Variants in MYL4 observed in about 807,000 individuals in gnomAD.
The protein encoded by MYL4 is atrial myosin light chain 1.
MYL4 carries 16 observed loss-of-function variants against 21.6 expected under a neutral mutation model. The ratio of observed to expected loss-of-function variants is 0.74; its 90% CI spans 0.50 to 1.12. MYL4 has a LOEUF of 1.12. Ranked by LOEUF, MYL4 falls within the 50% of genes most tolerant of loss-of-function variation. The pLI is 0.00. For synonymous variants in MYL4, 82 were observed against 95.7 expected (o/e 0.86, Z 0.83); for missense variants, 249 against 252.9 (o/e 0.98, Z 0.11).
intron 2 of MYL4, among the ~76,000 whole-genome samples, chr17:47,214,800 A>T (rs2064802240): frequency 6.6e-6 from 1 of 152,234 alleles, no homozygotes; most frequent in South Asian, 2.1e-4. Flanking sequence ...GCCGTGTGAT[A>T]CACACTGTCC....
intron 4 of MYL4, 21 bp from the exon 5 acceptor site, chr17:47,222,359 C>T (rs747658263): frequency 2.5e-6 from 4 of 1,613,120 alleles, no homozygotes; most frequent in Non-Finnish European, 2.5e-6. Context: ...AAGAGCGCAC[C>T]ACCTCCCAAA....
At chr17:47,197,007 A>G (rs542184002), upstream of MYL4, among the ~76,000 whole-genome samples, 7 of 151,418 alleles carry the variant, frequency 4.6e-5, no homozygotes, top group Non-Finnish European at 1.0e-4. Flanking sequence ...ATTTCATCTC[A>G]CTGATCTAAA....
At chr17:47,216,362 T>A (rs2064814613) in intron 2 of MYL4, among the ~76,000 whole-genome samples, 1 of 151,756 alleles carries the variant, frequency 6.6e-6, no homozygotes, top group Non-Finnish European at 1.5e-5. Context: ...GATTTTTTTA[T>A]GTGCATACCA....
the MYL4 span, among the ~76,000 whole-genome samples, chr17:47,194,159 A>G: frequency 4.6e-5 from 7 of 152,262 alleles, no homozygotes; most frequent in Non-Finnish European, 7.3e-5. Context: ...AACTGCCAAG[A>G]GGACACCTTT....
At chr17:47,203,263 CT>C (rs2064715904) in intron 1 of MYL4, among the ~76,000 whole-genome samples, 1 of 152,122 alleles carries the variant, frequency 6.6e-6, no homozygotes, top group Non-Finnish European at 1.5e-5. Flanking sequence ...TTTCATATCC[CT>C]TTTTTTAAAT....
chr17:47,205,557 G>T (rs896990760), upstream of MYL4, among the ~76,000 whole-genome samples: 4 of 152,164 alleles, frequency 2.6e-5, no homozygotes, highest in African/African-American at 7.2e-5. Context: ...TTGATATGTT[G>T]CTTCTTCATG....
intron 2 of MYL4, among the ~76,000 whole-genome samples, chr17:47,218,705 T>C (rs1224103898): frequency 1.3e-5 from 2 of 152,100 alleles, no homozygotes; most frequent in African/African-American, 4.8e-5. Context: ...AGGAATTGCT[T>C]GAATCTGGGA....
chr17:47,209,551 T>G lies in MYL4; in HGVS notation c.129T>G (p.Ser43Arg). The change falls in exon 1 of 7, where the codon AGT (serine) becomes AGG (arginine). Residue 43 changes from serine (S) to arginine (R), a missense_variant. Ser to Arg is a moderately radical substitution (Grantham distance 110). Transcript: ENST00000393450. ...AGGAACCTGCCTTTGACCCCAAGAG[T>G]GTAAAGGTAAGTGAGGCTCAGCCAT... is the stretch of plus-strand genomic sequence containing the variant. Reference protein sequence around the residue: ...APKEPAFDPKSVKIDFTADQI... With the variant: ...APKEPAFDPKRVKIDFTADQI... 15 of 1,613,784 alleles carry G rather than the reference T, an allele frequency of 9.3e-6. No individual in the cohort carries two copies. Among genetic ancestry groups the G allele is most frequent in the Non-Finnish European group, 1.3e-5 (15 of 1,179,964 alleles).
At chr17:47,197,092 GTTTTT>G (rs71365051), upstream of MYL4, among the ~76,000 whole-genome samples, 2 of 113,354 alleles carry the variant, frequency 1.8e-5, no homozygotes, top group Admixed American at 1.9e-4. Context: ...TCCTTAAAGG[GTTTTT>G]TTTTTTTTTT....
intron 1 of MYL4, 45 bp from the exon 2 acceptor site, chr17:47,213,753 CT>C (rs756221462): frequency 6.2e-7 from 1 of 1,607,864 alleles, no homozygotes; most frequent in African/African-American, 1.3e-5. Context: ...GCCTTTACAA[CT>C]GCTTTTAGCA....
chr17:47,189,543 A>T, the MYL4 span: 3 of 340,002 alleles, frequency 8.8e-6, no homozygotes, highest in South Asian at 3.1e-5. Flanking sequence ...GGGTTGGGCT[A>T]CGCCAAATCT....
chr17:47,191,163 A>T, the MYL4 span, among the ~76,000 whole-genome samples: 1 of 152,254 alleles, frequency 6.6e-6, no homozygotes, highest in Non-Finnish European at 1.5e-5. Context: ...AGTAAGACTC[A>T]GAGCCACCCT....
intron 1 of MYL4, among the ~76,000 whole-genome samples, chr17:47,209,942 A>G (rs1364870101): frequency 6.6e-6 from 1 of 152,194 alleles, no homozygotes; most frequent in East Asian, 1.9e-4. Context: ...TTTATGGAGA[A>G]CAGACAGATC....
chr17:47,211,321 G>T (rs1172104960), intron 1 of MYL4, among the ~76,000 whole-genome samples: 4 of 152,134 alleles, frequency 2.6e-5, no homozygotes, highest in African/African-American at 9.7e-5. Context: ...GCTGAGGCGG[G>T]AGGGTAATTT....
At chr17:47,227,090 A>T (rs2064888366), downstream of MYL4, among the ~76,000 whole-genome samples, 1 of 152,172 alleles carries the variant, frequency 6.6e-6, no homozygotes, top group Non-Finnish European at 1.5e-5. Context: ...TCCTGACCTC[A>T]GGTGATCCAC....
chr17:47,223,309 C>T, intron 6 of MYL4, 200 bp from the exon 7 acceptor site: 1 of 489,538 alleles, frequency 2.0e-6, no homozygotes, highest in Non-Finnish European at 3.6e-6. Flanking sequence ...AATGCCCTTC[C>T]CTCAGGCCTG....
rs370547497 is a variant in MYL4, at chr17:47,209,494, A to C, written c.72A>C (p.Ala24=). ...CTCCAGCTCCAGCTCCAGCCCCTGC[A>C]CCAGCCCCTGCCCCAGCTCCTGAGG... ...KPAPAPAPAP[A]PAPAPAPEAP... The change falls in exon 1 of 7, where the codon GCA becomes GCC. Residue 24 remains alanine (A), a synonymous_variant. Coordinates refer to ENST00000393450, the MANE Select transcript of MYL4 (RefSeq NM_002476.2). The C allele has an allele frequency of 6.2e-6, 10 of 1,614,030 alleles. No individual in the cohort carries two copies. In the Admixed American group the frequency reaches 1.0e-4, roughly 16 times the overall value.
upstream of MYL4, among the ~76,000 whole-genome samples, chr17:47,208,503 T>C (rs1310255734): frequency 6.6e-6 from 1 of 151,996 alleles, no homozygotes; most frequent in Non-Finnish European, 1.5e-5. Flanking sequence ...AATGAGATTT[T>C]ATATGAATAG....
intron 1 of MYL4, among the ~76,000 whole-genome samples, chr17:47,200,910 T>C (rs961943149): frequency 6.6e-6 from 1 of 152,148 alleles, no homozygotes; most frequent in Non-Finnish European, 1.5e-5. Flanking sequence ...TATGGCTCAT[T>C]CCTGTAATCC....
Sources: allele counts gnomAD v4.1 joint callset (sites outside exome capture counted in the v4.1 genomes callset), GRCh38; gene constraint gnomAD v4.1.1; transcripts MANE v1.5; gene names NCBI Gene and HGNC (gene_info 2026-07-23, HGNC 2026-07-21).